The following MTG1 variants were observed in gnomAD, a reference collection of about 807,000 sequenced individuals.
MTG1 encodes mitochondrial ribosome associated GTPase 1, also known as mitochondrial ribosome-associated GTPase 1.
Under a neutral mutation model 39.5 loss-of-function variants are expected in MTG1, and 30 were observed. That is an observed-to-expected ratio of 0.76 (90% CI 0.57 to 1.03). The LOEUF is 1.03. Among genes scored for constraint, MTG1 ranks in the 50% least tolerant of loss-of-function variants. The probability of loss-of-function intolerance (pLI) is 0.00; values close to 1 mark genes in which losing one functional copy is unlikely to be tolerated. For missense variants in MTG1, 513 were observed against 447.4 expected (o/e 1.15, Z -1.32); for synonymous variants, 217 against 179.0 (o/e 1.21, Z -1.69).
At chr10:133,403,078 A>G (rs536519634) in intron 9 of MTG1, among the ~76,000 whole-genome samples, 1 of 130,420 alleles carries the variant, frequency 7.7e-6, no homozygotes, top group Non-Finnish European at 1.6e-5. Context: ...CAAGGAAACG[A>G]GCGTTCCCGT....
At chr10:133,396,871 C>T (rs140220206) in intron 3 of MTG1, among the ~76,000 whole-genome samples, 1,787 of 152,292 alleles carry the variant, frequency 0.012, 33 homozygotes, top group African/African-American at 0.041. Context: ...CTAGCGGTAA[C>T]GCCAGTGTCT....
Position 133,399,168 on chromosome 10 carries a change from A to G in MTG1, c.364-2A>G. ...GGCTCCATGAGTGGGTGTTTGTTGC[A>G]GATCATCCCGATGGTCACTGAACTG... On this transcript the variant is annotated splice_acceptor_variant, in intron 4 of 10. Coordinates refer to ENST00000317502, the MANE Select transcript of MTG1 (RefSeq NM_138384.4). LOFTEE classifies it high-confidence loss of function. 1 of 1,614,150 alleles carries G rather than the reference A, an allele frequency of 6.2e-7. No homozygotes were observed. Among genetic ancestry groups the G allele is most frequent in the South Asian group, 1.1e-5 (1 of 91,076 alleles).
At position 133,399,629 on chromosome 10, in the gene MTG1, C is replaced by G. The variant is rs763177874; in HGVS notation, c.511+10C>G. 1 of 1,613,170 alleles carries G rather than the reference C, an allele frequency of 6.2e-7. No individual in the cohort carries two copies. The highest frequency in any genetic ancestry group is 1.1e-5 in the South Asian group (1 of 90,640). On this transcript the variant is annotated intron_variant, in intron 6 of 10. Coordinates refer to ENST00000317502, the MANE Select transcript of MTG1 (RefSeq NM_138384.4). ...CAGCACCTCAGGAAAGGTACTGGCG[C>G]GTGCGGCTGATCACCTCAGGAAAGG... is the stretch of plus-strand genomic sequence containing the variant.
At position 133,421,321 on chromosome 10, in the gene MTG1, C is replaced by T. The variant is rs906556208; in HGVS notation, c.*1156C>T. 7 of 153,426 alleles carry T rather than the reference C, an allele frequency of 4.6e-5. No homozygotes were observed. The highest frequency in any genetic ancestry group is 1.9e-4 in the East Asian group (1 of 5,198). The allele number at this position is 153,426 out of a possible 1,614,324, so 9.5% of individuals were successfully genotyped here. Reference sequence around the variant, plus strand: ...CTGAATCAACAGTCATTGCAGATCACGAAGTGTCCATCATAACTGGAACAT... The same window carrying T: ...CTGAATCAACAGTCATTGCAGATCATGAAGTGTCCATCATAACTGGAACAT... On this transcript the variant is annotated 3_prime_UTR_variant, in exon 11 of 11. Transcript: ENST00000317502.
chr10:133,398,333 G>A lies in MTG1; in HGVS notation c.283-102G>A, dbSNP rs781561161. The A allele has an allele frequency of 1.1e-4, 118 of 1,119,566 alleles. 1 individual carries two copies. The highest frequency in any genetic ancestry group is 1.4e-4 in the Non-Finnish European group (107 of 773,758). 69.4% of individuals were successfully genotyped at this position (1,119,566 alleles called of 1,614,324 possible). Reference sequence around the variant, plus strand: ...GAGAATCGCTTGAACCAGGGAGGCGGAGGTTGCAGGGAGCCGAGATTGTGC... The same window carrying A: ...GAGAATCGCTTGAACCAGGGAGGCGAAGGTTGCAGGGAGCCGAGATTGTGC... On this transcript the variant is annotated intron_variant, in intron 3 of 10. Coordinates refer to ENST00000317502, the MANE Select transcript of MTG1 (RefSeq NM_138384.4).
intron 9 of MTG1, among the ~76,000 whole-genome samples, chr10:133,407,591 G>A (rs1315091090): frequency 7.0e-6 from 1 of 143,844 alleles, no homozygotes; most frequent in Non-Finnish European, 1.5e-5. Flanking sequence ...TTTTTGAGAT[G>A]GAGTTTCGGT....
intron 9 of MTG1, among the ~76,000 whole-genome samples, chr10:133,416,674 A>G (rs1184601587): frequency 6.9e-6 from 1 of 145,424 alleles, no homozygotes; most frequent in Non-Finnish European, 1.5e-5. Flanking sequence ...TGTTCTTGCG[A>G]TAGTTTACTG....
intron 2 of MTG1, 22 bp downstream of exon 2, chr10:133,395,799 G>C (rs554924986): frequency 6.2e-7 from 1 of 1,612,490 alleles, no homozygotes; most frequent in Non-Finnish European, 8.5e-7. Context: ...CAGAGCAGGG[G>C]AGGCCCCTCT....
chr10:133,419,022 T>C (rs1850181079), intron 9 of MTG1, among the ~76,000 whole-genome samples: 2 of 152,186 alleles, frequency 1.3e-5, no homozygotes, highest in Admixed American at 6.5e-5. Context: ...GATGCAGGTG[T>C]ACTGGCTGCC....
At chr10:133,400,691 G>A (rs570209126) in intron 6 of MTG1, among the ~76,000 whole-genome samples, 2 of 152,244 alleles carry the variant, frequency 1.3e-5, no homozygotes, top group East Asian at 3.9e-4. Flanking sequence ...GGGTTATGCA[G>A]CCAGCACCAC....
chr10:133,398,150 C>G (rs927130595), intron 3 of MTG1, among the ~76,000 whole-genome samples: 1 of 152,212 alleles, frequency 6.6e-6, no homozygotes, highest in Non-Finnish European at 1.5e-5. Flanking sequence ...ATTTAAACAT[C>G]AGTCATACTT....
At chr10:133,416,379 T>C (rs1850132174) in intron 9 of MTG1, among the ~76,000 whole-genome samples, 1 of 137,618 alleles carries the variant, frequency 7.3e-6, no homozygotes, top group South Asian at 2.4e-4. Flanking sequence ...ATGATATATA[T>C]ATATATATAT....
intron 9 of MTG1, among the ~76,000 whole-genome samples, chr10:133,403,699 G>A (rs554598109): frequency 3.3e-5 from 5 of 152,174 alleles, no homozygotes; most frequent in Non-Finnish European, 7.3e-5. Flanking sequence ...TTGTTTGCAG[G>A]TTTTGGCTAT....
At chr10:133,414,091 C>T (rs1339868239) in intron 9 of MTG1, among the ~76,000 whole-genome samples, 1 of 149,510 alleles carries the variant, frequency 6.7e-6, no homozygotes, top group Non-Finnish European at 1.5e-5. Context: ...TCCCTGGGTA[C>T]TTGAGATTAG....
At chr10:133,406,513 C>T (rs1437956571) in intron 9 of MTG1, among the ~76,000 whole-genome samples, 2 of 151,740 alleles carry the variant, frequency 1.3e-5, no homozygotes, top group East Asian at 3.9e-4. Flanking sequence ...AATTTTTTTA[C>T]ATTTGCCTAT....
intron 3 of MTG1, among the ~76,000 whole-genome samples, chr10:133,397,571 C>T (rs1330759744): frequency 9.9e-5 from 15 of 151,706 alleles, no homozygotes; most frequent in African/African-American, 1.7e-4. Flanking sequence ...CTCTGCCTCC[C>T]GGGTTCACGC....
In MTG1 at chr10:133,411,150, C is replaced by A; in HGVS notation, c.753-8330C>A. Among the ~76,000 whole-genome samples, 2 of 152,100 alleles carry A rather than the reference C, an allele frequency of 1.3e-5. 1 individual carries two copies. The highest frequency in any genetic ancestry group is 2.9e-5 in the Non-Finnish European group (2 of 68,026). On this transcript the variant is annotated intron_variant, in intron 9 of 10. Transcript: ENST00000317502. ...TTTTAGCATTTCTTGAAAGTTGGGT[C>A]TGATGAATTCCCTCAGCTTTACTCT... is the stretch of plus-strand genomic sequence containing the variant.
intron 9 of MTG1, among the ~76,000 whole-genome samples, chr10:133,416,421 A>G (rs1272396257): frequency 2.0e-5 from 3 of 150,730 alleles, no homozygotes; most frequent in Non-Finnish European, 3.0e-5. Context: ...TTATTATTAT[A>G]CTTTAAGTTT....
Position 133,394,229 on chromosome 10 carries a change from G to C in MTG1, c.9G>C (p.Leu3Phe), listed in dbSNP as rs751094181. The C allele has an allele frequency of 2.6e-6, 4 of 1,516,712 alleles. No homozygotes were observed. The South Asian group carries it at 4.9e-5, about 18-fold the overall frequency. The allele number at this position is 1,516,712 out of a possible 1,614,324, so 94.0% of individuals were successfully genotyped here. Residue 3 changes from leucine to phenylalanine, a missense_variant, in exon 1 of 11, where the codon TTG becomes TTC. Transcript: ENST00000317502. MR[L>F]TPRALCSAAQ... Reference sequence around the variant, plus strand: ...CCGGGGACGGTGCCGCCATGAGATTGACCCCGCGCGCGCTGTGCAGCGCCG... The same window carrying C: ...CCGGGGACGGTGCCGCCATGAGATTCACCCCGCGCGCGCTGTGCAGCGCCG...
Sources: allele counts gnomAD v4.1 joint callset (sites outside exome capture counted in the v4.1 genomes callset), GRCh38; gene constraint gnomAD v4.1.1; transcripts MANE v1.5; gene names NCBI Gene and HGNC (gene_info 2026-07-23, HGNC 2026-07-21).